The following SNX29 variants were observed in gnomAD, a reference collection of about 807,000 sequenced individuals.
SNX29 encodes sorting nexin-29.
SNX29 carries 78 observed loss-of-function variants against 102.1 expected under a neutral mutation model. That is an observed-to-expected ratio of 0.76 (90% CI 0.64 to 0.92). The LOEUF (loss-of-function observed/expected upper bound fraction) is 0.92. SNX29 is among the 40% of genes least tolerant of loss of function. The pLI is 0.00. For synonymous variants in SNX29, 580 were observed against 414.5 expected (o/e 1.40, Z -4.85); for missense variants, 1,280 against 1,061.7 (o/e 1.21, Z -2.86).
intron 20 of SNX29, among the ~76,000 whole-genome samples, chr16:12,562,947 C>T (rs950562629): frequency 2.0e-5 from 3 of 152,158 alleles, no homozygotes; most frequent in Non-Finnish European, 4.4e-5. Flanking sequence ...TAGTAAGAAG[C>T]AAACATTCAC....
chr16:12,566,892 G>A (rs1023797821), intron 20 of SNX29, among the ~76,000 whole-genome samples: 28 of 152,216 alleles, frequency 1.8e-4, no homozygotes, highest in Non-Finnish European at 3.8e-4. Context: ...TTGACTTACA[G>A]GAAAAGACAA....
intron 4 of SNX29, among the ~76,000 whole-genome samples, chr16:12,040,054 C>G (rs1236646498): frequency 5.3e-5 from 8 of 152,140 alleles, no homozygotes; most frequent in Non-Finnish European, 1.0e-4. Context: ...TATGTATACA[C>G]TAGCATTACA....
intron 11 of SNX29, 34 bp from the exon 12 acceptor site, chr16:12,126,599 G>A (rs374127756): frequency 4.3e-6 from 7 of 1,610,786 alleles, no homozygotes; most frequent in Admixed American, 1.7e-5. Flanking sequence ...GGCAAGACCT[G>A]CCAATTAATC....
At chr16:12,454,489 C>A (rs1054946284) in intron 18 of SNX29, among the ~76,000 whole-genome samples, 9 of 152,156 alleles carry the variant, frequency 5.9e-5, no homozygotes, top group African/African-American at 1.7e-4. Context: ...TAGCACATGG[C>A]GTTTAGGGAC....
intron 14 of SNX29, among the ~76,000 whole-genome samples, chr16:12,224,692 G>A (rs2077564910): frequency 6.6e-6 from 1 of 152,252 alleles, no homozygotes; most frequent in Admixed American, 6.5e-5. Context: ...GAATTTACCG[G>A]TGGATCTTTG....
intron 14 of SNX29, among the ~76,000 whole-genome samples, chr16:12,269,764 A>G (rs1258832029): frequency 6.6e-6 from 1 of 152,062 alleles, no homozygotes; most frequent in Non-Finnish European, 1.5e-5. Flanking sequence ...ATGAATAGAG[A>G]AGTATGTTTT....
chr16:11,986,624 C>T (rs991316592), intron 1 of SNX29, among the ~76,000 whole-genome samples: 2 of 152,212 alleles, frequency 1.3e-5, no homozygotes, highest in Admixed American at 1.3e-4. Context: ...GAAAAGGCAG[C>T]ATAGCATTCC....
intron 13 of SNX29, among the ~76,000 whole-genome samples, chr16:12,149,449 T>C (rs916361791): frequency 1.3e-5 from 2 of 152,218 alleles, no homozygotes; most frequent in African/African-American, 4.8e-5. Context: ...TACATAGTAA[T>C]CTCTCATGAG....
chr16:12,149,046 C>T (rs1450384710), intron 13 of SNX29, among the ~76,000 whole-genome samples: 1 of 152,158 alleles, frequency 6.6e-6, no homozygotes, highest in Admixed American at 6.5e-5. Context: ...TCCAAGGAGC[C>T]TGGACAATGC....
chr16:12,242,421 T>C (rs1244046650), intron 14 of SNX29, among the ~76,000 whole-genome samples: 1 of 149,482 alleles, frequency 6.7e-6, no homozygotes, highest in African/African-American at 2.5e-5. Flanking sequence ...TCTTGAATCC[T>C]GTGAGTCTTG....
chr16:12,342,388 C>T (rs2081635430), intron 15 of SNX29, among the ~76,000 whole-genome samples: 1 of 152,124 alleles, frequency 6.6e-6, no homozygotes, highest in East Asian at 1.9e-4. Context: ...AACCATGAGG[C>T]TTAGGGGTGT....
chr16:12,416,695 G>A (rs2084651779), intron 18 of SNX29, among the ~76,000 whole-genome samples: 1 of 152,198 alleles, frequency 6.6e-6, no homozygotes. Context: ...CATGGTGGAA[G>A]GTGCAGGGGG....
At chr16:12,534,078 G>A (rs1349608087) in intron 20 of SNX29, among the ~76,000 whole-genome samples, 1 of 152,220 alleles carries the variant, frequency 6.6e-6, no homozygotes, top group Non-Finnish European at 1.5e-5. Flanking sequence ...GGGCAGCAGG[G>A]GATCCCACTT....
chr16:12,308,048 C>A (rs925116340), intron 15 of SNX29, among the ~76,000 whole-genome samples: 2 of 152,232 alleles, frequency 1.3e-5, no homozygotes, highest in African/African-American at 4.8e-5. Context: ...GGGAGAGATG[C>A]ACAGACAGGG....
chr16:12,551,382 A>G (rs8043686), intron 20 of SNX29, among the ~76,000 whole-genome samples: 2,709 of 152,296 alleles, frequency 0.018, 94 homozygotes, highest in African/African-American at 0.062. Flanking sequence ...GAACTTCCCC[A>G]ACAGTAGGAT....
At chr16:12,143,652 T>G (rs1309465678) in intron 13 of SNX29, among the ~76,000 whole-genome samples, 1 of 152,224 alleles carries the variant, frequency 6.6e-6, no homozygotes, top group Non-Finnish European at 1.5e-5. Context: ...GCGTAAGTAC[T>G]GAGTAACAGA....
chr16:12,547,178 G>C (rs978365076), intron 20 of SNX29, among the ~76,000 whole-genome samples: 1 of 152,230 alleles, frequency 6.6e-6, no homozygotes, highest in Non-Finnish European at 1.5e-5. Context: ...TTATGGTCTA[G>C]GAAGATGACA....
intron 11 of SNX29, among the ~76,000 whole-genome samples, chr16:12,117,018 G>C (rs867850368): frequency 9.6e-6 from 1 of 104,060 alleles, no homozygotes; most frequent in African/African-American, 3.7e-5. Flanking sequence ...ACGTGCTTCA[G>C]TGCGGACGAA....
intron 13 of SNX29, among the ~76,000 whole-genome samples, chr16:12,171,150 A>C (rs1409820860): frequency 6.6e-6 from 1 of 152,032 alleles, no homozygotes; most frequent in Non-Finnish European, 1.5e-5. Flanking sequence ...CCTGGTTGAC[A>C]CGGGCTCTTT....
Sources: gnomAD v4.1 joint callset for allele counts (sites outside exome capture counted in the v4.1 genomes callset) on GRCh38, gnomAD v4.1.1 for gene constraint, MANE v1.5 for transcripts, NCBI Gene and HGNC (gene_info 2026-07-23, HGNC 2026-07-21) for gene names.